NDST4: variants seen among roughly 807,000 people sequenced by gnomAD.
NDST4 encodes N-heparan sulfate sulfotransferase 4.
NDST4 carries 63 observed loss-of-function variants against 100.8 expected under a neutral mutation model. The ratio of observed to expected loss-of-function variants is 0.62; its 90% CI spans 0.51 to 0.77. NDST4 has a LOEUF of 0.77. Among genes scored for constraint, NDST4 ranks in the 30% least tolerant of loss-of-function variants. The pLI is 0.00. For missense variants in NDST4, 943 were observed against 1,018.4 expected (o/e 0.93, Z 1.01); for synonymous variants, 377 against 361.8 (o/e 1.04, Z -0.48).
chr4:115,024,104 G>A (rs1727926148), intron 2 of NDST4, among the ~76,000 whole-genome samples: 1 of 152,088 alleles, frequency 6.6e-6, no homozygotes, highest in Non-Finnish European at 1.5e-5. Context: ...TCACTACTTA[G>A]GAGCCCAGGC....
At chr4:114,870,672 G>C in intron 7 of NDST4, 96 bp downstream of exon 7, 3 of 977,272 alleles carry the variant, frequency 3.1e-6, no homozygotes, top group Non-Finnish European at 4.2e-6. Context: ...TTAAATTCCA[G>C]TTTTAATATG....
chr4:115,015,962 G>A (rs1387196677), intron 2 of NDST4, among the ~76,000 whole-genome samples: 3 of 152,016 alleles, frequency 2.0e-5, no homozygotes, highest in Non-Finnish European at 4.4e-5. Flanking sequence ...AGCATGGAAG[G>A]AGCAGCATTT....
At chr4:115,050,194 C>A (rs1728554423) in intron 2 of NDST4, among the ~76,000 whole-genome samples, 1 of 152,194 alleles carries the variant, frequency 6.6e-6, no homozygotes, top group East Asian at 1.9e-4. Context: ...CAGAAATATC[C>A]TTAATGGTAA....
chr4:114,883,447 A>T (rs896039671), intron 6 of NDST4, among the ~76,000 whole-genome samples: 2 of 152,128 alleles, frequency 1.3e-5, no homozygotes, highest in Admixed American at 6.6e-5. Context: ...AAAAAAGTTA[A>T]AAGAATATAT....
intron 6 of NDST4, among the ~76,000 whole-genome samples, chr4:114,877,213 TA>T (rs1724274241): frequency 6.6e-6 from 1 of 152,218 alleles, no homozygotes; most frequent in Admixed American, 6.5e-5. Context: ...CATTTTATTC[TA>T]TTATTTTATT....
chr4:115,034,033 A>C (rs1728179256), intron 2 of NDST4, among the ~76,000 whole-genome samples: 1 of 152,084 alleles, frequency 6.6e-6, no homozygotes, highest in South Asian at 2.1e-4. Flanking sequence ...GAAACAGTAA[A>C]AGCCTCAAAT....
At chr4:115,016,488 A>T (rs369666202) in intron 2 of NDST4, among the ~76,000 whole-genome samples, 2 of 152,046 alleles carry the variant, frequency 1.3e-5, no homozygotes, top group Admixed American at 6.6e-5. Context: ...TTATCTCCAA[A>T]TGGAGAAATA....
chr4:115,039,914 CATG>C (rs1394989330), intron 2 of NDST4, among the ~76,000 whole-genome samples: 1 of 152,020 alleles, frequency 6.6e-6, no homozygotes, highest in Non-Finnish European at 1.5e-5. Flanking sequence ...TCCATTATCT[CATG>C]ATAACCCCAA....
chr4:115,047,750 C>T (rs1728495203), intron 2 of NDST4, among the ~76,000 whole-genome samples: 1 of 151,994 alleles, frequency 6.6e-6, no homozygotes, highest in Non-Finnish European at 1.5e-5. Flanking sequence ...TTAATTGAGT[C>T]AAATCTTAGA....
At chr4:115,100,004 A>G (rs9996306) in intron 1 of NDST4, among the ~76,000 whole-genome samples, 5,374 of 152,224 alleles carry the variant, frequency 0.035, 358 homozygotes, top group African/African-American at 0.12. Flanking sequence ...CTATCAAGCC[A>G]CAGAAATACA....
chr4:115,049,104 A>G (rs1728527037), intron 2 of NDST4, among the ~76,000 whole-genome samples: 1 of 152,210 alleles, frequency 6.6e-6, no homozygotes. Flanking sequence ...CAGTAATTAG[A>G]ACCACTTGAC....
chr4:114,905,224 T>A (rs13145278), intron 6 of NDST4, among the ~76,000 whole-genome samples: 3 of 151,242 alleles, frequency 2.0e-5, no homozygotes, highest in African/African-American at 4.9e-5. Flanking sequence ...CCCTAAATTA[T>A]GTATTCCCTG....
At chr4:114,976,506 G>C (rs1378847936) in intron 3 of NDST4, among the ~76,000 whole-genome samples, 1 of 152,018 alleles carries the variant, frequency 6.6e-6, no homozygotes, top group East Asian at 1.9e-4. Flanking sequence ...GTGAGGGTAA[G>C]TAAAGAAGTA....
chr4:114,901,339 T>C (rs1253296732), intron 6 of NDST4, among the ~76,000 whole-genome samples: 1 of 152,108 alleles, frequency 6.6e-6, no homozygotes, highest in Non-Finnish European at 1.5e-5. Flanking sequence ...TAAAAATTGT[T>C]ATGTCTTCTT....
intron 6 of NDST4, among the ~76,000 whole-genome samples, chr4:114,910,320 A>G (rs1179755065): frequency 6.6e-6 from 1 of 152,194 alleles, no homozygotes; most frequent in East Asian, 1.9e-4. Flanking sequence ...CAGAATTACC[A>G]TTTCAGGAAA....
chr4:114,850,541 C>T (rs1723654042), intron 8 of NDST4, among the ~76,000 whole-genome samples: 1 of 152,142 alleles, frequency 6.6e-6, no homozygotes. Flanking sequence ...CATTAATTTT[C>T]TATCAATTTC....
intron 2 of NDST4, among the ~76,000 whole-genome samples, chr4:115,062,732 T>C (rs1434962397): frequency 2.0e-5 from 3 of 151,790 alleles, no homozygotes; most frequent in African/African-American, 7.3e-5. Context: ...AATACAAGAA[T>C]AGCTAATCAT....
Position 115,076,507 on chromosome 4 carries a change from A to C in NDST4, c.530T>G (p.Leu177Ter). The change falls in exon 2 of 14, where the codon TTA becomes TGA. Residue 177 changes from leucine to a stop codon, truncating the protein, a stop_gained. Coordinates refer to ENST00000264363, the MANE Select transcript of NDST4 (RefSeq NM_022569.3). LOFTEE classifies it high-confidence loss of function. ...GAAAAGGTTTAACGGAAAGCCTTTTAATTGTGTACTTGGTAAGCTGTTCTC... is the reference window on the plus strand; with the variant it reads ...GAAAAGGTTTAACGGAAAGCCTTTTCATTGTGTACTTGGTAAGCTGTTCTC... ...ANENSLPSTQ[L>*]KGFPLNLFNN... 2 of 1,613,984 alleles carry C rather than the reference A, an allele frequency of 1.2e-6. No individual in the cohort carries two copies. Among genetic ancestry groups the C allele is most frequent in the African/African-American group, 2.7e-5 (2 of 75,044 alleles).
intron 2 of NDST4, among the ~76,000 whole-genome samples, chr4:114,986,832 A>ATATATATATATATATATATAT: frequency 1.1e-5 from 1 of 94,656 alleles, no homozygotes; most frequent in Non-Finnish European, 2.2e-5. Context: ...ATATATATAT[A>ATATATATATATATATATATAT]TTTTAATATA....
Sources: gnomAD v4.1 joint callset for allele counts (sites outside exome capture counted in the v4.1 genomes callset) on GRCh38, gnomAD v4.1.1 for gene constraint, MANE v1.5 for transcripts, NCBI Gene and HGNC (gene_info 2026-07-23, HGNC 2026-07-21) for gene names.